The following ST6GALNAC3 variants were observed in gnomAD, a reference collection of about 807,000 sequenced individuals.
The protein encoded by ST6GALNAC3 is ST6 N-acetylgalactosaminide alpha-2,6-sialyltransferase 3, also known as alpha-N-acetylgalactosaminide alpha-2,6-sialyltransferase 3.
A neutral mutation model predicts 32.7 loss-of-function variants in ST6GALNAC3; 25 were observed. The observed-to-expected ratio is 0.76, with a 90% CI of 0.56 to 1.07. ST6GALNAC3 has a LOEUF of 1.07. Ranked by LOEUF, ST6GALNAC3 falls within the 50% of genes least tolerant of loss-of-function variation. The pLI is 0.00. For synonymous variants in ST6GALNAC3, 129 were observed against 133.1 expected (o/e 0.97, Z 0.21); for missense variants, 355 against 382.4 (o/e 0.93, Z 0.60).
chr1:76,419,363 C>G (rs907850419), intron 3 of ST6GALNAC3, among the ~76,000 whole-genome samples: 3 of 152,042 alleles, frequency 2.0e-5, no homozygotes, highest in Admixed American at 6.6e-5. Flanking sequence ...TTTTAAACCC[C>G]CAAAGGGTGT....
rs560708813 is a variant in ST6GALNAC3, at chr1:76,447,781, G to A, written c.623+35364G>A. Among the ~76,000 whole-genome samples the A allele has an allele frequency of 5.5e-4, 83 of 152,152 alleles. 1 individual carries two copies. The highest frequency in any genetic ancestry group is 1.0e-3 in the Non-Finnish European group (70 of 68,028). On this transcript the variant is annotated intron_variant, in intron 3 of 4. Transcript: ENST00000328299. ...TGTGGTGTTGAGCCTGCGGGTGCAC[G>A]GAACTCAAGAATTGAGGTTTGGGAA...
intron 1 of ST6GALNAC3, among the ~76,000 whole-genome samples, chr1:76,093,383 AAGAT>A (rs1647076622): frequency 6.6e-6 from 1 of 152,188 alleles, no homozygotes; most frequent in Non-Finnish European, 1.5e-5. Context: ...AAAATATAGA[AAGAT>A]AGAAGAGGAT....
chr1:76,369,792 G>A (rs973825250), intron 2 of ST6GALNAC3, among the ~76,000 whole-genome samples: 1 of 152,146 alleles, frequency 6.6e-6, no homozygotes, highest in African/African-American at 2.4e-5. Context: ...AATATTCAGA[G>A]ACCACTTTAG....
At chr1:76,118,921 C>T (rs1648669612) in intron 1 of ST6GALNAC3, among the ~76,000 whole-genome samples, 1 of 152,202 alleles carries the variant, frequency 6.6e-6, no homozygotes, top group African/African-American at 2.4e-5. Flanking sequence ...CTCCCGGGTT[C>T]AAGCAATTCT....
intron 1 of ST6GALNAC3, among the ~76,000 whole-genome samples, chr1:76,126,393 C>T (rs924334972): frequency 6.6e-6 from 1 of 151,492 alleles, no homozygotes; most frequent in African/African-American, 2.4e-5. Flanking sequence ...TTCTTTCTTT[C>T]TTTCTTTTCC....
chr1:76,377,582 A>G (rs994900725), intron 2 of ST6GALNAC3, among the ~76,000 whole-genome samples: 13 of 152,132 alleles, frequency 8.5e-5, no homozygotes, highest in Admixed American at 2.6e-4. Context: ...AGCTCCCACC[A>G]GGTCCCCCCT....
chr1:76,263,730 A>C (rs905056548), intron 1 of ST6GALNAC3, among the ~76,000 whole-genome samples: 35 of 152,196 alleles, frequency 2.3e-4, no homozygotes, highest in African/African-American at 8.2e-4. Flanking sequence ...GTATTTCTCG[A>C]ATGTTCCTCC....
intron 1 of ST6GALNAC3, among the ~76,000 whole-genome samples, chr1:76,252,946 G>T (rs1320943065): frequency 1.3e-5 from 2 of 152,102 alleles, no homozygotes; most frequent in Non-Finnish European, 2.9e-5. Context: ...CAGTCAATCA[G>T]ATTCTCTTTT....
chr1:76,471,326 T>C (rs1300692924), intron 3 of ST6GALNAC3, among the ~76,000 whole-genome samples: 1 of 152,164 alleles, frequency 6.6e-6, no homozygotes, highest in Non-Finnish European at 1.5e-5. Flanking sequence ...TGAACCTATC[T>C]TAAAGCACTT....
chr1:76,585,327 AG>A (rs1195774135), intron 3 of ST6GALNAC3, among the ~76,000 whole-genome samples: 1 of 151,912 alleles, frequency 6.6e-6, no homozygotes. Context: ...TGGAGGTTGC[AG>A]TGAGCTAAGA....
At chr1:76,317,867 C>CA in intron 2 of ST6GALNAC3, among the ~76,000 whole-genome samples, 1 of 152,238 alleles carries the variant, frequency 6.6e-6, no homozygotes, top group East Asian at 1.9e-4. Flanking sequence ...ATCTAGTGGA[C>CA]ACTGTGGAGT....
chr1:76,352,582 T>G (rs1226195073), intron 2 of ST6GALNAC3, among the ~76,000 whole-genome samples: 4 of 150,870 alleles, frequency 2.7e-5, no homozygotes, highest in African/African-American at 7.3e-5. Context: ...CTTCTCTATC[T>G]GCATTTTATT....
intron 3 of ST6GALNAC3, among the ~76,000 whole-genome samples, chr1:76,549,764 G>A (rs541392317): frequency 1.9e-4 from 29 of 152,048 alleles, no homozygotes; most frequent in Admixed American, 1.4e-3. Context: ...TCTTTGATTC[G>A]GCCAAAGTGT....
chr1:76,392,232 AATG>A (rs1652620412), intron 2 of ST6GALNAC3, among the ~76,000 whole-genome samples: 1 of 152,210 alleles, frequency 6.6e-6, no homozygotes, highest in African/African-American at 2.4e-5. Flanking sequence ...TGCTTAGACA[AATG>A]ATGATATAAA....
At chr1:76,584,123 A>G (rs562241350) in intron 3 of ST6GALNAC3, among the ~76,000 whole-genome samples, 98 of 152,280 alleles carry the variant, frequency 6.4e-4, no homozygotes, top group African/African-American at 2.2e-3. Context: ...TATTATCCCT[A>G]TCTTTTGCAT....
rs778134629 is a variant in ST6GALNAC3, at chr1:76,605,155, T to G, written c.624-22297T>G. On this transcript the variant is annotated intron_variant, in intron 3 of 4. Coordinates refer to ENST00000328299, the MANE Select transcript of ST6GALNAC3 (RefSeq NM_152996.4). ...ATAGACAGTACAACGTGTTAGGTTA[T>G]ACATGGAGGGCCAACAGATTTTTGG... is the stretch of plus-strand genomic sequence containing the variant. Among the ~76,000 whole-genome samples, 133 of 152,328 alleles carry G rather than the reference T, an allele frequency of 8.7e-4. No homozygotes were observed. In the Middle Eastern group the frequency reaches 0.027, roughly 31 times the overall value.
intron 1 of ST6GALNAC3, among the ~76,000 whole-genome samples, chr1:76,116,436 C>T (rs1179686901): frequency 6.6e-6 from 1 of 152,152 alleles, no homozygotes; most frequent in Admixed American, 6.5e-5. Context: ...ATTTCTGTAG[C>T]TCCATGGTTA....
chr1:76,114,683 C>T (rs1166489435), intron 1 of ST6GALNAC3, among the ~76,000 whole-genome samples: 2 of 151,948 alleles, frequency 1.3e-5, no homozygotes, highest in East Asian at 1.9e-4. Flanking sequence ...CCAAGGTGAG[C>T]GAATCATTTG....
At chr1:76,395,675 A>G (rs1571084086) in intron 2 of ST6GALNAC3, among the ~76,000 whole-genome samples, 1 of 152,192 alleles carries the variant, frequency 6.6e-6, no homozygotes, top group African/African-American at 2.4e-5. Context: ...TTGCAGCATC[A>G]TGAATGGAAC....
Sources: allele counts gnomAD v4.1 joint callset (sites outside exome capture counted in the v4.1 genomes callset), GRCh38; gene constraint gnomAD v4.1.1; transcripts MANE v1.5; gene names NCBI Gene and HGNC (gene_info 2026-07-23, HGNC 2026-07-21).